Variants in CC2D2B observed in about 807,000 individuals in gnomAD.
CC2D2B encodes protein CC2D2B.
Under a neutral mutation model 161.2 loss-of-function variants are expected in CC2D2B, and 128 were observed. The observed-to-expected ratio is 0.79, with a 90% CI of 0.69 to 0.92. The LOEUF is 0.92. CC2D2B is among the 40% of genes least tolerant of loss of function. The pLI is 0.00. For missense variants in CC2D2B, 1,173 were observed against 1,375.1 expected (o/e 0.85, Z 2.32); for synonymous variants, 391 against 449.8 (o/e 0.87, Z 1.65).
Position 96,012,562 on chromosome 10 carries a change from G to T in CC2D2B, c.3259G>T (p.Ala1087Ser). 1 of 1,612,680 alleles carries T rather than the reference G, an allele frequency of 6.2e-7. No homozygotes were observed. The highest frequency in any genetic ancestry group is 1.1e-5 in the South Asian group (1 of 91,052). The change falls in exon 28 of 35, where the codon GCA becomes TCA. Residue 1087 changes from alanine to serine, a missense_variant. Transcript: ENST00000646931. ...AGATCAAACAGAGGTCTTGCAGAGA[G>T]CACAGATTTTTAAAAAGAATTGTAA... ...FLDQTEVLQR[A>S]QIFKKNCKAM...
intron 6 of CC2D2B, among the ~76,000 whole-genome samples, chr10:95,927,706 C>CT (rs200310434): frequency 0.014 from 1,944 of 143,398 alleles, 21 homozygotes; most frequent in African/African-American, 0.022. Context: ...TTCTTTCTTT[C>CT]TTTTTTTTTT....
At chr10:95,968,135 C>CT (rs2077006724) in intron 14 of CC2D2B, among the ~76,000 whole-genome samples, 1 of 151,924 alleles carries the variant, frequency 6.6e-6, no homozygotes, top group South Asian at 2.1e-4. Context: ...CTCCTTTGAT[C>CT]TTTGGGTTCA....
At chr10:95,972,677 A>T (rs971905149) in intron 16 of CC2D2B, among the ~76,000 whole-genome samples, 8 of 152,206 alleles carry the variant, frequency 5.3e-5, no homozygotes, top group Admixed American at 3.9e-4. Flanking sequence ...GATTGTTTAA[A>T]GTTTTGTCTT....
Position 95,922,045 on chromosome 10 carries a change from T to C in CC2D2B, c.66T>C (p.Ala22=). Residue 22 remains alanine (A), a synonymous_variant, in exon 3 of 35, where the codon GCT becomes GCC. Coordinates refer to ENST00000646931, the MANE Select transcript of CC2D2B (RefSeq NM_001349008.3). ...KMSEEMDNIT[A]EEIIDKHLQK... Reference sequence around the variant, plus strand: ...CAGAAGAGATGGATAATATTACAGCTGAAGAAATTATAGACAAGCATCTCC... The same window carrying C: ...CAGAAGAGATGGATAATATTACAGCCGAAGAAATTATAGACAAGCATCTCC... 6.5e-7 allele frequency: 1 copy of C among 1,543,672 alleles called. No individual in the cohort carries two copies.
chr10:96,025,406 T>G (rs973803701), intron 33 of CC2D2B, among the ~76,000 whole-genome samples: 27 of 149,272 alleles, frequency 1.8e-4, no homozygotes, highest in South Asian at 6.3e-4. Flanking sequence ...ACCACCTGGT[T>G]CTTGGTACAT....
At chr10:95,938,299 A>ACTT (rs1355128149) in intron 7 of CC2D2B, 110 bp downstream of exon 7, 1 of 733,870 alleles carries the variant, frequency 1.4e-6, no homozygotes, top group African/African-American at 1.8e-5. Flanking sequence ...AATTATAGTA[A>ACTT]CTTTTCTATA....
At chr10:95,936,466 G>A (rs1157473889) in intron 6 of CC2D2B, among the ~76,000 whole-genome samples, 1 of 152,104 alleles carries the variant, frequency 6.6e-6, no homozygotes, top group Non-Finnish European at 1.5e-5. Context: ...CAGTTAACAA[G>A]GCATGTTCCT....
chr10:95,990,408 T>C (rs1042098612), intron 20 of CC2D2B, among the ~76,000 whole-genome samples: 1 of 152,048 alleles, frequency 6.6e-6, no homozygotes, highest in Non-Finnish European at 1.5e-5. Context: ...TCTAGGCTGA[T>C]GGAACCCAGC....
chr10:95,996,252 T>C lies in CC2D2B; in HGVS notation c.2849T>C (p.Val950Ala). ...CWNEEIKVDF[V>A]SPGHDYSFSS... ...AATGAAGAAATTAAAGTAGATTTTG[T>C]GTAAGTTGGAGTTCATTTTTCCATA... The change falls in exon 24 of 35, where the codon GTC becomes GCC. Residue 950 changes from valine (V) to alanine (A), a missense_variant and splice_region_variant. Physicochemically the swap from Val to Ala is moderately conservative, Grantham distance 64. Coordinates refer to ENST00000646931, the MANE Select transcript of CC2D2B (RefSeq NM_001349008.3). The C allele has an allele frequency of 7.2e-7, 1 of 1,386,286 alleles. No individual in the cohort carries two copies. Among genetic ancestry groups the C allele is most frequent in the Non-Finnish European group, 9.7e-7 (1 of 1,035,242 alleles). 85.9% of individuals were successfully genotyped at this position (1,386,286 alleles called of 1,614,324 possible).
At chr10:96,024,937 G>A (rs1403950980) in intron 33 of CC2D2B, 26 bp downstream of exon 33, 1 of 1,401,208 alleles carries the variant, frequency 7.1e-7, no homozygotes, top group East Asian at 2.5e-5. Context: ...CTAATCTCTT[G>A]TTGGGTTACC....
At chr10:95,930,990 A>G (rs2098549096) in intron 6 of CC2D2B, among the ~76,000 whole-genome samples, 1 of 152,186 alleles carries the variant, frequency 6.6e-6, no homozygotes, top group South Asian at 2.1e-4. Flanking sequence ...CTCTGGTAGA[A>G]TTCGGCTGTG....
intron 2 of CC2D2B, among the ~76,000 whole-genome samples, chr10:95,917,181 A>G (rs2098517875): frequency 6.6e-6 from 1 of 151,946 alleles, no homozygotes; most frequent in Non-Finnish European, 1.5e-5. Flanking sequence ...ATTTTATCTG[A>G]TATAATTATA....
chr10:95,947,113 ATTTTT>A (rs753866384), intron 9 of CC2D2B, among the ~76,000 whole-genome samples: 1,137 of 47,882 alleles, frequency 0.024, 35 homozygotes, highest in South Asian at 0.046. Context: ...ATATATATAT[ATTTTT>A]TTTTTTTTTT....
chr10:95,941,870 A>AT (rs2076034640), intron 9 of CC2D2B, among the ~76,000 whole-genome samples: 1 of 152,180 alleles, frequency 6.6e-6, no homozygotes, highest in Non-Finnish European at 1.5e-5. Flanking sequence ...TAAATTTAAG[A>AT]TTTTGAAGTG....
chr10:96,030,999 TATC>T (rs1216505197), intron 34 of CC2D2B, among the ~76,000 whole-genome samples: 1 of 152,164 alleles, frequency 6.6e-6, no homozygotes, highest in East Asian at 1.9e-4. Context: ...TTAAAAAAGT[TATC>T]ATTTTATCAT....
intron 9 of CC2D2B, among the ~76,000 whole-genome samples, chr10:95,944,320 G>A (rs553596810): frequency 6.6e-6 from 1 of 152,128 alleles, no homozygotes; most frequent in African/African-American, 2.4e-5. Context: ...TTTATAAATG[G>A]TACCACCATA....
At chr10:95,995,508 A>C (rs538042193) in intron 23 of CC2D2B, 143 bp downstream of exon 23, 1 of 523,624 alleles carries the variant, frequency 1.9e-6, no homozygotes, top group East Asian at 3.2e-5. Context: ...CCTTTATAAA[A>C]TGTAATTCTA....
chr10:96,025,196 T>A (rs1221303012), intron 33 of CC2D2B, among the ~76,000 whole-genome samples: 6,081 of 35,212 alleles, frequency 0.17, 479 homozygotes, highest in Middle Eastern at 0.26. Context: ...AAAAAAAATA[T>A]ATATATATAT....
chr10:96,029,856 G>A (rs954153906), intron 34 of CC2D2B, among the ~76,000 whole-genome samples: 1 of 151,362 alleles, frequency 6.6e-6, no homozygotes, highest in Non-Finnish European at 1.5e-5. Flanking sequence ...TGTCACCCAG[G>A]CTGGAGTATA....
Sources: gnomAD v4.1 joint callset for allele counts (sites outside exome capture counted in the v4.1 genomes callset) on GRCh38, gnomAD v4.1.1 for gene constraint, MANE v1.5 for transcripts, NCBI Gene and HGNC (gene_info 2026-07-23, HGNC 2026-07-21) for gene names.